Variants in EFHC2 observed in about 807,000 individuals in gnomAD.
EFHC2 encodes the protein EF-hand domain-containing family member C2.
A neutral mutation model predicts 52.7 loss-of-function variants in EFHC2; 18 were observed. The ratio of observed to expected loss-of-function variants is 0.34; its 90% CI spans 0.24 to 0.51. The LOEUF (loss-of-function observed/expected upper bound fraction) is 0.51, where lower values mean the gene tolerates loss of function less well. EFHC2 is among the 20% of genes least tolerant of loss of function. The pLI is 0.97. For synonymous variants in EFHC2, 203 were observed against 204.1 expected (o/e 0.99, Z 0.04); for missense variants, 513 against 562.5 (o/e 0.91, Z 0.89).
At chrX:44,179,529 C>T (rs1343394890) in intron 11 of EFHC2, among the ~76,000 whole-genome samples, 1 of 112,046 alleles carries the variant, frequency 8.9e-6, no homozygotes, top group Non-Finnish European at 1.9e-5. Context: ...TTCTCCTAGT[C>T]AAGAATTTCC....
At chrX:44,287,300 T>G (rs1305914825) in intron 2 of EFHC2, among the ~76,000 whole-genome samples, 1 of 111,939 alleles carries the variant, frequency 8.9e-6, no homozygotes, top group African/African-American at 3.2e-5. Flanking sequence ...AAAAAATTTT[T>G]TTTAATTTTA....
chrX:44,324,312 A>G (rs1455017008), intron 1 of EFHC2, among the ~76,000 whole-genome samples: 1 of 110,504 alleles, frequency 9.0e-6, no homozygotes, highest in East Asian at 2.8e-4. Context: ...AGCATTCCCC[A>G]TTCCTTAGGC....
intron 9 of EFHC2, 103 bp from the exon 10 acceptor site, chrX:44,232,780 T>C (rs2037288910): frequency 2.7e-6 from 2 of 730,777 alleles, no homozygotes; most frequent in Non-Finnish European, 3.9e-6. Context: ...ACCATATAAG[T>C]TACCTGTGAA....
At chrX:44,242,311 C>A in intron 7 of EFHC2, 22 bp from the exon 8 acceptor site, 1 of 1,190,961 alleles carries the variant, frequency 8.4e-7, no homozygotes, top group Non-Finnish European at 1.1e-6. Flanking sequence ...CAAAGGCAAA[C>A]AAAACATCAA....
chrX:44,274,981 A>C (rs2037644976), intron 2 of EFHC2, among the ~76,000 whole-genome samples: 1 of 111,396 alleles, frequency 9.0e-6, no homozygotes, highest in Non-Finnish European at 1.9e-5. Flanking sequence ...TCAAACTTTC[A>C]GTGTACGTAA....
At chrX:44,263,648 C>A (rs895943333) in intron 3 of EFHC2, among the ~76,000 whole-genome samples, 1 of 112,149 alleles carries the variant, frequency 8.9e-6, no homozygotes, top group Non-Finnish European at 1.9e-5. Flanking sequence ...ATTATTTAAT[C>A]ATTCAAGATT....
rs138605773 is a variant in EFHC2 at position 44,194,804 on chromosome X, C to T, written c.1752-16240G>A. Among the ~76,000 whole-genome samples the T allele has an allele frequency of 9.6e-4, 107 of 111,227 alleles. 1 individual carries two copies. The East Asian group carries it at 0.025, about 26-fold the overall frequency. On this transcript the variant is annotated intron_variant, in intron 11 of 14. Transcript: ENST00000420999. ...GGAGGGAGTGTGCAACTCTAGCAGG[C>T]GCTGGCACAAAGTTCTACCCAGGTT... is the stretch of plus-strand genomic sequence containing the variant.
chrX:44,238,075 A>C (rs2037333509), intron 8 of EFHC2, among the ~76,000 whole-genome samples: 1 of 111,441 alleles, frequency 9.0e-6, no homozygotes, highest in African/African-American at 3.3e-5. Context: ...TAGACATCCC[A>C]AACTTAACTG....
intron 14 of EFHC2, among the ~76,000 whole-genome samples, chrX:44,159,067 C>T (rs192136457): frequency 3.6e-5 from 4 of 112,641 alleles, no homozygotes; most frequent in African/African-American, 9.7e-5. Context: ...CTCAGGACAA[C>T]GCTGAAAAGA....
intron 2 of EFHC2, among the ~76,000 whole-genome samples, chrX:44,286,850 C>CA (rs1266196679): frequency 4.1e-4 from 35 of 86,383 alleles, no homozygotes; most frequent in African/African-American, 7.3e-4. Flanking sequence ...CTCGTCTCTA[C>CA]AAAAAAAAAA....
chrX:44,261,435 GTA>G (rs2037537799), intron 3 of EFHC2, 137 bp from the exon 4 acceptor site: 1 of 494,124 alleles, frequency 2.0e-6, no homozygotes, highest in Admixed American at 4.3e-5. Flanking sequence ...AGCAGCATTA[GTA>G]CATTCCAACT....
intron 11 of EFHC2, among the ~76,000 whole-genome samples, chrX:44,185,957 C>A (rs917553155): frequency 8.9e-6 from 1 of 112,223 alleles, no homozygotes; most frequent in Non-Finnish European, 1.9e-5. Flanking sequence ...CAGTGAAAAT[C>A]ATTGACCCTG....
intron 7 of EFHC2, among the ~76,000 whole-genome samples, chrX:44,243,618 A>G (rs1440236198): frequency 8.9e-6 from 1 of 111,970 alleles, no homozygotes; most frequent in Non-Finnish European, 1.9e-5. Context: ...TAGACTTCCT[A>G]GCAGCCTTTG....
chrX:44,284,588 A>G (rs1924172004), intron 2 of EFHC2: 1 of 111,619 alleles, frequency 9.0e-6, no homozygotes, highest in Admixed American at 9.5e-5. Context: ...GAATGCCACT[A>G]TCTTTGCTCC....
intron 11 of EFHC2, among the ~76,000 whole-genome samples, chrX:44,216,997 A>G (rs1423316013): frequency 1.8e-5 from 2 of 112,215 alleles, no homozygotes; most frequent in African/African-American, 6.5e-5. Flanking sequence ...ACCAGAATAT[A>G]TAAAAAGCTC....
chrX:44,172,599 G>A (rs938757514), intron 13 of EFHC2, among the ~76,000 whole-genome samples: 2 of 111,769 alleles, frequency 1.8e-5, no homozygotes, highest in East Asian at 2.8e-4. Context: ...CTACCCTCAG[G>A]AGCTCAGATA....
chrX:44,329,991 G>A (rs1437605044), intron 1 of EFHC2, among the ~76,000 whole-genome samples: 1 of 101,583 alleles, frequency 9.8e-6, no homozygotes, highest in Non-Finnish European at 1.9e-5. Flanking sequence ...GCTCACACCT[G>A]TAATCTTAGC....
chrX:44,156,998 C>A (rs935264021), intron 14 of EFHC2, among the ~76,000 whole-genome samples: 1 of 111,661 alleles, frequency 9.0e-6, no homozygotes, highest in Admixed American at 9.5e-5. Context: ...AGAGGGATAA[C>A]CAAGGGAGTC....
intron 7 of EFHC2, among the ~76,000 whole-genome samples, chrX:44,244,194 C>T (rs2037382139): frequency 8.9e-6 from 1 of 112,144 alleles, no homozygotes; most frequent in South Asian, 3.7e-4. Context: ...CTTTCCTCTG[C>T]ACCCACAGTG....
Sources: gnomAD v4.1 joint callset for allele counts (sites outside exome capture counted in the v4.1 genomes callset) on GRCh38, gnomAD v4.1.1 for gene constraint, MANE v1.5 for transcripts, NCBI Gene and HGNC (gene_info 2026-07-23, HGNC 2026-07-21) for gene names.